Variants in ADD2 observed in about 807,000 individuals in gnomAD.
The protein encoded by ADD2 is adducin 2, also known as beta-adducin.
ADD2 carries 23 observed loss-of-function variants against 83.0 expected under a neutral mutation model. The ratio of observed to expected loss-of-function variants is 0.28; its 90% CI spans 0.20 to 0.39. The LOEUF is 0.39. Ranked by LOEUF, ADD2 falls within the 10% of genes least tolerant of loss-of-function variation. ADD2 has a pLI of 1.00. For missense variants in ADD2, 758 were observed against 944.9 expected, an observed-to-expected ratio of 0.80 and a Z score of 2.59; for synonymous variants, 375 against 375.4, an observed-to-expected ratio of 1.00 and a Z score of 0.01.
At chr2:70,712,720 G>T (rs766603919) in intron 2 of ADD2, among the ~76,000 whole-genome samples, 1 of 152,154 alleles carries the variant, frequency 6.6e-6, no homozygotes, top group Non-Finnish European at 1.5e-5. Context: ...CTGAGGGCAT[G>T]GGGGAGAACT....
Position 70,676,526 on chromosome 2 carries a change from A to G in ADD2, c.1593+270T>C. The G allele has an allele frequency of 7.2e-7, 1 of 1,381,488 alleles. No individual in the cohort carries two copies. The highest frequency in any genetic ancestry group is 1.9e-5 in the South Asian group (1 of 52,144). The allele number at this position is 1,381,488 out of a possible 1,614,324, so 85.6% of individuals were successfully genotyped here. A position where few individuals can be genotyped will look rare whatever the true frequency, so the allele number is the denominator to read the frequency against. On this transcript the variant is annotated intron_variant, in intron 13 of 15. Coordinates refer to ENST00000264436, the MANE Select transcript of ADD2 (RefSeq NM_001617.4). The surrounding 1 kb of genome is among the most constrained non-coding windows in gnomAD (Gnocchi z 4.8). ...GGACAGAGTGGAGTTCCATGGCAGG[A>G]GGTACGGAAGCCGGCCGCATCACTC...
chr2:70,756,519 G>A (rs1267254606), intron 1 of ADD2, among the ~76,000 whole-genome samples: 2 of 152,208 alleles, frequency 1.3e-5, no homozygotes, highest in African/African-American at 2.4e-5. Flanking sequence ...ACTGAACACT[G>A]TTAGGAGTTT....
chr2:70,727,652 T>C (rs568815794), intron 1 of ADD2, among the ~76,000 whole-genome samples: 8 of 152,196 alleles, frequency 5.3e-5, no homozygotes, highest in African/African-American at 1.9e-4. Context: ...CCCCGCACTT[T>C]AGGAGGCTGA....
intron 4 of ADD2, among the ~76,000 whole-genome samples, chr2:70,703,234 AAGAGAG>A (rs782118580): frequency 2.0e-5 from 3 of 152,134 alleles, no homozygotes; most frequent in Non-Finnish European, 2.9e-5. Flanking sequence ...GAGAAAGAGA[AAGAGAG>A]AGAGAAAGGA....
intron 1 of ADD2, among the ~76,000 whole-genome samples, chr2:70,726,423 C>T (rs1411401678): frequency 6.6e-6 from 1 of 152,132 alleles, no homozygotes. Context: ...AATTGAATAG[C>T]AGCTCACCCA....
At chr2:70,760,965 G>A (rs557350534) in intron 1 of ADD2, among the ~76,000 whole-genome samples, 21 of 152,118 alleles carry the variant, frequency 1.4e-4, no homozygotes, top group Non-Finnish European at 2.8e-4. Flanking sequence ...AGATTAAGAT[G>A]AAGAAGTGTA....
At chr2:70,679,930 G>C (rs1670372861) in intron 10 of ADD2, among the ~76,000 whole-genome samples, 1 of 151,910 alleles carries the variant, frequency 6.6e-6, no homozygotes, top group Admixed American at 6.6e-5. Flanking sequence ...ACATTGATTT[G>C]TAAGCTCTTT....
At chr2:70,735,817 G>T (rs535214953) in intron 1 of ADD2, among the ~76,000 whole-genome samples, 1 of 143,772 alleles carries the variant, frequency 7.0e-6, no homozygotes, top group East Asian at 2.0e-4. Context: ...CGCCTCCTGG[G>T]TTCAAACAAT....
At position 70,683,506 on chromosome 2, in the gene ADD2, T is replaced by C; in HGVS notation, c.1125+85A>G. 3 of 1,404,972 alleles carry C rather than the reference T, an allele frequency of 2.1e-6. No homozygotes were observed. In the African/African-American group the frequency reaches 4.3e-5, roughly 20 times the overall value. The allele number at this position is 1,404,972 out of a possible 1,614,324, so 87.0% of individuals were successfully genotyped here. On this transcript the variant is annotated intron_variant, in intron 10 of 15. Coordinates refer to ENST00000264436, the MANE Select transcript of ADD2 (RefSeq NM_001617.4). ...CTAGTTGTGATGCTGGCAATTCTTG[T>C]GCCCACCTGATGCCTTGTACTTCCT...
At chr2:70,727,664 G>A (rs1357756598) in intron 1 of ADD2, among the ~76,000 whole-genome samples, 2 of 152,088 alleles carry the variant, frequency 1.3e-5, no homozygotes, top group Non-Finnish European at 2.9e-5. Context: ...GGAGGCTGAG[G>A]TGGGCAGATC....
intron 1 of ADD2, among the ~76,000 whole-genome samples, chr2:70,717,465 A>G (rs1273212666): frequency 6.6e-6 from 1 of 152,160 alleles, no homozygotes; most frequent in Non-Finnish European, 1.5e-5. Context: ...GAGTCTCCAG[A>G]CAGGAACAGA....
intron 1 of ADD2, among the ~76,000 whole-genome samples, chr2:70,754,075 G>A (rs1407278756): frequency 5.3e-5 from 8 of 152,212 alleles, no homozygotes; most frequent in African/African-American, 1.7e-4. Flanking sequence ...AGGAATTAAT[G>A]ACATGAAAAC....
intron 7 of ADD2, among the ~76,000 whole-genome samples, chr2:70,691,262 A>C (rs1671021095): frequency 6.6e-6 from 1 of 152,124 alleles, no homozygotes; most frequent in South Asian, 2.1e-4. Context: ...CTCTTGTCAT[A>C]CAACTCTGGG....
At chr2:70,739,202 C>A (rs1005232850) in intron 1 of ADD2, among the ~76,000 whole-genome samples, 5 of 152,008 alleles carry the variant, frequency 3.3e-5, no homozygotes, top group South Asian at 2.1e-4. Flanking sequence ...AGGAAAAAAA[C>A]CCCATTAAAA....
intron 1 of ADD2, among the ~76,000 whole-genome samples, chr2:70,731,410 G>A (rs1673275234): frequency 6.6e-6 from 1 of 152,176 alleles, no homozygotes. Flanking sequence ...GACCATGTGC[G>A]ATTAGGAGAA....
chr2:70,667,491 T>G (rs1315674401), intron 15 of ADD2, among the ~76,000 whole-genome samples: 4 of 152,202 alleles, frequency 2.6e-5, no homozygotes. Flanking sequence ...CTCCAACCAC[T>G]GGCTGTGTCT....
intron 1 of ADD2, among the ~76,000 whole-genome samples, chr2:70,759,064 A>G (rs1226959500): frequency 1.3e-5 from 2 of 152,222 alleles, no homozygotes; most frequent in African/African-American, 4.8e-5. Flanking sequence ...AATGGTCCTT[A>G]GAGCTGCTAC....
intron 4 of ADD2, 58 bp downstream of exon 4, chr2:70,704,263 T>TGGCCACCCCCCC: frequency 1.1e-6 from 1 of 913,238 alleles, no homozygotes; most frequent in Non-Finnish European, 1.7e-6. Flanking sequence ...CTCCCTCTCT[T>TGGCCACCCCCCC]CCCCACCCCA....
chr2:70,678,830 C>T lies in ADD2; in HGVS notation c.1257G>A (p.Leu419=), dbSNP rs571380988. ...FEEDGAPVPA[L]RQHAQKQQKE... Reference sequence around the variant, plus strand: ...TCTGCTGCTTCTGGGCATGCTGTCGCAGGGCGGGCACCGGGGCACCGTCCT... The same window carrying T: ...TCTGCTGCTTCTGGGCATGCTGTCGTAGGGCGGGCACCGGGGCACCGTCCT... The change falls in exon 11 of 16, where the codon CTG becomes CTA. Residue 419 remains leucine (L), a synonymous_variant. Coordinates refer to ENST00000264436, the MANE Select transcript of ADD2 (RefSeq NM_001617.4). 2.5e-6 allele frequency: 4 copies of T among 1,614,204 alleles called. No homozygotes were observed. The East Asian group carries it at 8.9e-5, about 36-fold the overall frequency.
Sources: gnomAD v4.1 joint callset for allele counts (sites outside exome capture counted in the v4.1 genomes callset) on GRCh38, gnomAD v4.1.1 for gene constraint, Gnocchi (gnomAD v3.1) non-coding constraint, MANE v1.5 for transcripts, NCBI Gene and HGNC (gene_info 2026-07-23, HGNC 2026-07-21) for gene names.